Variants in MYO7A observed in about 807,000 individuals in gnomAD.
The protein encoded by MYO7A is myosin VIIA.
Under a neutral mutation model 263.8 loss-of-function variants are expected in MYO7A, and 210 were observed. That is an observed-to-expected ratio of 0.80 (90% CI 0.71 to 0.89). MYO7A has a LOEUF of 0.89. Ranked by LOEUF, MYO7A falls within the 40% of genes least tolerant of loss-of-function variation. MYO7A has a pLI of 0.00. For missense variants in MYO7A, 2,820 were observed against 2,968.3 expected (o/e 0.95, Z 1.16); for synonymous variants, 1,239 against 1,197.3 (o/e 1.03, Z -0.72).
At chr11:77,153,766 G>T (rs1952191405) in intron 4 of MYO7A, among the ~76,000 whole-genome samples, 1 of 152,068 alleles carries the variant, frequency 6.6e-6, no homozygotes, top group African/African-American at 2.4e-5. Context: ...CTCTGTGCTT[G>T]CTACCAGCGG....
At chr11:77,195,547 A>T (rs1956590765) in intron 32 of MYO7A, among the ~76,000 whole-genome samples, 1 of 152,080 alleles carries the variant, frequency 6.6e-6, no homozygotes, top group Non-Finnish European at 1.5e-5. Context: ...GTGGGGTGCT[A>T]TTATTATGCA....
At chr11:77,212,208 G>T (rs1957936540) in intron 46 of MYO7A, 2 of 581,448 alleles carry the variant, frequency 3.4e-6, no homozygotes, top group Admixed American at 2.2e-5. Flanking sequence ...TTCTGACACT[G>T]GGGAGCCCTC....
chr11:77,162,071 C>T (rs1269918696), intron 12 of MYO7A, 49 bp from the exon 13 acceptor site: 3 of 1,524,584 alleles, frequency 2.0e-6, no homozygotes, highest in African/African-American at 1.4e-5. Flanking sequence ...CCCTGAACAG[C>T]ATGGTGGGGC....
rs546869393 is a variant in MYO7A at position 77,140,048 on chromosome 11, T to C, written c.19-2661T>C. The stretch of plus-strand genomic sequence containing the variant: ...CTGTGACAGCCCTAAGTAAGAAGAG[T>C]TGTAGTCATGTCTGTTTGCTGTGTG... On this transcript the variant is annotated intron_variant, in intron 2 of 48. Coordinates refer to ENST00000409709, the MANE Select transcript of MYO7A (RefSeq NM_000260.4). Among the ~76,000 whole-genome samples, 254 of 152,174 alleles carry C rather than the reference T, an allele frequency of 1.7e-3. 4 individuals carry two copies. Among genetic ancestry groups the C allele is most frequent in the African/African-American group, 6.0e-3 (248 of 41,518 alleles).
rs1555105118 is a variant in MYO7A at position 77,205,461 on chromosome 11, G to C, written c.5481-1G>C. The C allele has an allele frequency of 1.3e-6, 2 of 1,563,564 alleles. No homozygotes were observed. The highest frequency in any genetic ancestry group is 2.4e-5 in the East Asian group (1 of 41,654). The stretch of plus-strand genomic sequence containing the variant: ...GCTGGAGCCCACGCCTCCTCCTGCA[G>C]GTACAGCGAGGAGCGGGGTTGGGAG... On this transcript the variant is annotated splice_acceptor_variant, in intron 39 of 48. Transcript: ENST00000409709. LOFTEE classifies it high-confidence loss of function.
intron 41 of MYO7A, among the ~76,000 whole-genome samples, chr11:77,206,790 C>G (rs959745158): frequency 6.6e-6 from 1 of 152,190 alleles, no homozygotes; most frequent in Non-Finnish European, 1.5e-5. Context: ...TTGTCTGAGG[C>G]TGGAGACTCA....
At chr11:77,172,216 T>G (rs551477581) in intron 15 of MYO7A, among the ~76,000 whole-genome samples, 41 of 152,306 alleles carry the variant, frequency 2.7e-4, no homozygotes, top group African/African-American at 8.9e-4. Flanking sequence ...CCTGGTCAGA[T>G]GGATAGATGG....
intron 15 of MYO7A, among the ~76,000 whole-genome samples, chr11:77,168,090 C>T (rs938456394): frequency 6.6e-6 from 1 of 152,186 alleles, no homozygotes; most frequent in Non-Finnish European, 1.5e-5. Flanking sequence ...GCTGGCCCCT[C>T]GCTGGGCCCA....
At chr11:77,130,479 T>C in intron 1 of MYO7A, 110 bp from the exon 2 acceptor site, 1 of 790,082 alleles carries the variant, frequency 1.3e-6, no homozygotes, top group Non-Finnish European at 2.1e-6. Flanking sequence ...GAGGGTTCCC[T>C]TGAGGGAGGA....
chr11:77,159,403 GCC>G, intron 9 of MYO7A, 42 bp from the exon 10 acceptor site: 2 of 711,718 alleles, frequency 2.8e-6, no homozygotes, highest in Admixed American at 1.9e-5. Flanking sequence ...TGCCCCTGTT[GCC>G]CACCCTCCCT....
In MYO7A at chr11:77,213,891, T is replaced by G. The variant is rs368744981; in HGVS notation, c.6470T>G (p.Ile2157Ser). 2.5e-6 allele frequency: 4 copies of G among 1,613,920 alleles called. No individual in the cohort carries two copies. In the African/African-American group the frequency reaches 5.3e-5, roughly 22 times the overall value. Reference sequence around the variant, plus strand: ...CTCACCACTCATCCCTTCACCAAGATCTCCAACTGGAGCAGCGGCAACACC... The same window carrying G: ...CTCACCACTCATCCCTTCACCAAGAGCTCCAACTGGAGCAGCGGCAACACC... Reference protein sequence around the residue: ...DILTTHPFTKISNWSSGNTYF... With the variant: ...DILTTHPFTKSSNWSSGNTYF... Residue 2157 changes from isoleucine (I) to serine (S), a missense_variant, in exon 48 of 49, where the codon ATC becomes AGC. Physicochemically the swap from Ile to Ser is moderately radical, Grantham distance 142. Coordinates refer to ENST00000409709, the MANE Select transcript of MYO7A (RefSeq NM_000260.4).
chr11:77,152,371 AGATT>A (rs1952046976), intron 4 of MYO7A, among the ~76,000 whole-genome samples: 1 of 152,192 alleles, frequency 6.6e-6, no homozygotes. Flanking sequence ...CCTTCCCTGC[AGATT>A]GCTGTGGCTG....
chr11:77,157,497 G>T, intron 8 of MYO7A, 105 bp downstream of exon 8: 1 of 739,282 alleles, frequency 1.4e-6, no homozygotes, highest in East Asian at 2.7e-5. Context: ...ACAGGGCTCA[G>T]GTGCCAGCTT....
intron 44 of MYO7A, chr11:77,209,072 A>G (rs138394018): frequency 3.3e-4 from 144 of 442,488 alleles, no homozygotes; most frequent in African/African-American, 2.5e-3. Context: ...GTGCGGGGCT[A>G]TCCTCTGACT....
At chr11:77,186,127 T>TG (rs58540073) in intron 27 of MYO7A, among the ~76,000 whole-genome samples, 93,048 of 151,720 alleles carry the variant, frequency 0.61, 29,494 homozygotes, top group African/African-American at 0.77. Context: ...TTCACCATGT[T>TG]GCCAGGCTGG....
At chr11:77,171,675 A>G (rs186960199) in intron 15 of MYO7A, among the ~76,000 whole-genome samples, 1 of 152,230 alleles carries the variant, frequency 6.6e-6, no homozygotes, top group South Asian at 2.1e-4. Flanking sequence ...GACTCTAAAA[A>G]TATAAAAATC....
chr11:77,130,850 C>T (rs566054423), intron 2 of MYO7A, among the ~76,000 whole-genome samples, 198 bp downstream of exon 2: 29 of 152,360 alleles, frequency 1.9e-4, no homozygotes, highest in African/African-American at 6.7e-4. Context: ...CCTTCTCTCA[C>T]TGGCTCACCC....
At position 77,182,720 on chromosome 11, in the gene MYO7A, G is replaced by C. The variant is rs563460148; in HGVS notation, c.3285+120G>C. On this transcript the variant is annotated intron_variant, in intron 25 of 48. Transcript: ENST00000409709. Reference sequence around the variant, plus strand: ...TCCTATAATTCATCTCTGCCTCACCGACCCCTGCCTGCCACCCTCCTTTGT... The same window carrying C: ...TCCTATAATTCATCTCTGCCTCACCCACCCCTGCCTGCCACCCTCCTTTGT... The C allele has an allele frequency of 3.7e-6, 4 of 1,076,014 alleles. No individual in the cohort carries two copies. In the East Asian group the frequency reaches 1.0e-4, roughly 27 times the overall value. The allele number at this position is 1,076,014 out of a possible 1,614,324, so 66.7% of individuals were successfully genotyped here. A position where few individuals can be genotyped will look rare whatever the true frequency, so the allele number is the denominator to read the frequency against.
chr11:77,175,681 A>C (rs1555079706), intron 18 of MYO7A, among the ~76,000 whole-genome samples: 1 of 152,176 alleles, frequency 6.6e-6, no homozygotes, highest in Non-Finnish European at 1.5e-5. Context: ...GGGTCAGAGC[A>C]CTGACCACAG....
Sources: gnomAD v4.1 joint callset for allele counts (sites outside exome capture counted in the v4.1 genomes callset) on GRCh38, gnomAD v4.1.1 for gene constraint, MANE v1.5 for transcripts, NCBI Gene and HGNC (gene_info 2026-07-23, HGNC 2026-07-21) for gene names.